The following CD109 variants were observed in gnomAD, a reference collection of about 807,000 sequenced individuals.
CD109 encodes CD109 molecule, also known as CD109 antigen.
A neutral mutation model predicts 165.8 loss-of-function variants in CD109; 149 were observed. That is an observed-to-expected ratio of 0.90 (90% CI 0.79 to 1.03). The LOEUF is 1.03. CD109 is among the 50% of genes least tolerant of loss of function. The probability of loss-of-function intolerance (pLI) is 0.00; values close to 1 mark genes in which losing one functional copy is unlikely to be tolerated. For missense variants in CD109, 1,712 were observed against 1,677.8 expected (o/e 1.02, Z -0.36); for synonymous variants, 585 against 592.1 (o/e 0.99, Z 0.18).
At chr6:73,782,463 C>T in intron 17 of CD109, 151 bp from the exon 18 acceptor site, 1 of 651,882 alleles carries the variant, frequency 1.5e-6, no homozygotes, top group South Asian at 2.8e-5. Context: ...CTTCTTCTAC[C>T]TTTTCACTGT....
At chr6:73,791,182 C>T (rs28577104) in intron 22 of CD109, among the ~76,000 whole-genome samples, 19,122 of 49,778 alleles carry the variant, frequency 0.38, 3,603 homozygotes, top group Admixed American at 0.47. Flanking sequence ...TATATACACA[C>T]ACACACATAC....
chr6:73,791,154 TATATATATATATATATATATATAC>T (rs1562070899), intron 22 of CD109, among the ~76,000 whole-genome samples: 649 of 28,236 alleles, frequency 0.023, 58 homozygotes, highest in African/African-American at 0.076. Flanking sequence ...TATATATATA[TATATATATATATATATATATATAC>T]ACACACACAC....
rs1775742603 is a variant in CD109 at position 73,811,113 on chromosome 6, A to G, written c.3668A>G (p.Asp1223Gly). 1 of 1,613,190 alleles carries G rather than the reference A, an allele frequency of 6.2e-7. No individual in the cohort carries two copies. The highest frequency in any genetic ancestry group is 8.5e-7 in the Non-Finnish European group (1 of 1,179,554). Residue 1223 changes from aspartate (D) to glycine (G), a missense_variant, in exon 28 of 33, where the codon GAC becomes GGC. Physicochemically the swap from Asp to Gly is moderately conservative, Grantham distance 94 (BLOSUM62 -1). Coordinates refer to ENST00000287097, the MANE Select transcript of CD109 (RefSeq NM_133493.5). ...SSPSPVKFLI[D>G]THNRLLLQTA... Reference sequence around the variant, plus strand: ...CCAAGTCCTGTAAAGTTTCTGATTGACACACACAACCGCTTACTCCTTCAG... The same window carrying G: ...CCAAGTCCTGTAAAGTTTCTGATTGGCACACACAACCGCTTACTCCTTCAG...
At chr6:73,721,270 A>T (rs1487786600) in intron 2 of CD109, among the ~76,000 whole-genome samples, 1 of 152,164 alleles carries the variant, frequency 6.6e-6, no homozygotes, top group Non-Finnish European at 1.5e-5. Context: ...ATGGAGGCCC[A>T]CTGGGGTGGT....
At chr6:73,794,501 A>G (rs12660627) in intron 23 of CD109, among the ~76,000 whole-genome samples, 82,043 of 151,954 alleles carry the variant, frequency 0.54, 22,640 homozygotes, top group African/African-American at 0.65. Flanking sequence ...GTCAGATTAG[A>G]CTGAAGTAAG....
In CD109 at chr6:73,768,273, T is replaced by C. The variant is rs116099361; in HGVS notation, c.1674+42T>C. On this transcript the variant is annotated intron_variant, in intron 14 of 32. Transcript: ENST00000287097. ...TGATGTTTAAAAGAAAACTTTATATTAGTGAAGTCTGAGAAATGTAATATT... is the reference window on the plus strand; with the variant it reads ...TGATGTTTAAAAGAAAACTTTATATCAGTGAAGTCTGAGAAATGTAATATT... The C allele has an allele frequency of 8.7e-4, 1,032 of 1,184,852 alleles. 11 individuals carry two copies. In the African/African-American group the frequency reaches 0.014, roughly 16 times the overall value. 73.4% of individuals were successfully genotyped at this position (1,184,852 alleles called of 1,614,324 possible).
At chr6:73,680,699 G>A in the CD109 span, among the ~76,000 whole-genome samples, 53,727 of 152,074 alleles carry the variant, frequency 0.35, 9,719 homozygotes, top group African/African-American at 0.42. Flanking sequence ...GATTGATGGG[G>A]AAGAGGGCAT....
intron 17 of CD109, among the ~76,000 whole-genome samples, chr6:73,782,030 C>T (rs79876683): frequency 0.035 from 5,348 of 152,204 alleles, 138 homozygotes; most frequent in Non-Finnish European, 0.054. Context: ...TCTTTTCTTT[C>T]AGGTTAAGTT....
chr6:73,722,084 A>G (rs1462082321), intron 2 of CD109, among the ~76,000 whole-genome samples: 1 of 152,232 alleles, frequency 6.6e-6, no homozygotes. Context: ...ATACATGTAT[A>G]TAATTTTATA....
chr6:73,683,646 GT>G, the CD109 span, among the ~76,000 whole-genome samples: 7 of 152,064 alleles, frequency 4.6e-5, no homozygotes, highest in Non-Finnish European at 7.4e-5. Flanking sequence ...GTATTAGTCC[GT>G]TTTCACACTG....
intron 15 of CD109, among the ~76,000 whole-genome samples, chr6:73,779,771 T>C (rs1774407560): frequency 6.6e-6 from 1 of 152,070 alleles, no homozygotes; most frequent in African/African-American, 2.4e-5. Flanking sequence ...ATATTCTAAT[T>C]CTATGTTAAT....
chr6:73,686,606 A>G, the CD109 span, among the ~76,000 whole-genome samples: 1 of 152,248 alleles, frequency 6.6e-6, no homozygotes, highest in African/African-American at 2.4e-5. Context: ...CCAATGTGGT[A>G]GCTATTAGCC....
chr6:73,702,436 G>A (rs768779320), intron 2 of CD109, among the ~76,000 whole-genome samples: 1 of 152,218 alleles, frequency 6.6e-6, no homozygotes, highest in African/African-American at 2.4e-5. Flanking sequence ...TTAGTGTAGT[G>A]TGTGGGCAGA....
At chr6:73,798,102 A>G (rs1775232415) in intron 23 of CD109, among the ~76,000 whole-genome samples, 1 of 142,910 alleles carries the variant, frequency 7.0e-6, no homozygotes, top group Non-Finnish European at 1.5e-5. Flanking sequence ...ACGAGTCATC[A>G]GTGTCCTGTT....
chr6:73,792,938 C>T (rs911065446), intron 23 of CD109, 136 bp downstream of exon 23: 31 of 625,060 alleles, frequency 5.0e-5, no homozygotes, highest in African/African-American at 4.8e-4. Context: ...TTGACATGTG[C>T]AGGAAGTGCA....
chr6:73,821,684 A>G (rs904341413), intron 32 of CD109, among the ~76,000 whole-genome samples: 10 of 152,186 alleles, frequency 6.6e-5, no homozygotes, highest in African/African-American at 2.4e-4. Context: ...GTACACATGG[A>G]CATAAAAATG....
intron 10 of CD109, among the ~76,000 whole-genome samples, chr6:73,765,639 A>G (rs953319918): frequency 6.6e-6 from 1 of 152,124 alleles, no homozygotes; most frequent in East Asian, 1.9e-4. Flanking sequence ...AAATTCCCAC[A>G]TTTAGGGAGA....
At chr6:73,693,367 TACTC>T (rs775356268), upstream of CD109, among the ~76,000 whole-genome samples, 6 of 152,110 alleles carry the variant, frequency 3.9e-5, no homozygotes, top group Middle Eastern at 3.4e-3. Flanking sequence ...GGGAACTGAG[TACTC>T]ACTCACCCCC....
At chr6:73,685,660 C>T in the CD109 span, among the ~76,000 whole-genome samples, 10 of 152,148 alleles carry the variant, frequency 6.6e-5, no homozygotes, top group Non-Finnish European at 1.5e-4. Context: ...AAGCAGTGCA[C>T]ACACTGTATC....
Sources: allele counts gnomAD v4.1 joint callset (sites outside exome capture counted in the v4.1 genomes callset), GRCh38; gene constraint gnomAD v4.1.1; transcripts MANE v1.5; gene names NCBI Gene and HGNC (gene_info 2026-07-23, HGNC 2026-07-21).